FOXO1: variants seen among roughly 807,000 people sequenced by gnomAD.
The protein encoded by FOXO1 is forkhead box protein O1.
A neutral mutation model predicts 44.1 loss-of-function variants in FOXO1; 6 were observed. That is an observed-to-expected ratio of 0.14 (90% CI 0.07 to 0.27). The LOEUF (loss-of-function observed/expected upper bound fraction) is 0.27, where lower values mean the gene tolerates loss of function less well. Ranked by LOEUF, FOXO1 falls within the 10% of genes least tolerant of loss-of-function variation. The pLI is 1.00. For synonymous variants in FOXO1, 380 were observed against 362.7 expected (o/e 1.05, Z -0.54); for missense variants, 737 against 888.8 (o/e 0.83, Z 2.17).
intron 1 of FOXO1, among the ~76,000 whole-genome samples, chr13:40,605,693 G>A (rs1875970386): frequency 6.6e-6 from 1 of 152,206 alleles, no homozygotes; most frequent in African/African-American, 2.4e-5. Context: ...ACCCAATGGT[G>A]ACCTTTTCTA....
intron 1 of FOXO1, among the ~76,000 whole-genome samples, chr13:40,627,208 A>G (rs1458065218): frequency 1.3e-5 from 2 of 152,114 alleles, no homozygotes; most frequent in Non-Finnish European, 2.9e-5. Flanking sequence ...ACTGCCTCCA[A>G]CTTCCTCCCC....
chr13:40,625,954 A>G (rs7338669), intron 1 of FOXO1, among the ~76,000 whole-genome samples: 63,051 of 152,002 alleles, frequency 0.41, 14,385 homozygotes, highest in East Asian at 0.75. Flanking sequence ...GGATAAAGTC[A>G]TCTTTGTCTT....
intron 1 of FOXO1, among the ~76,000 whole-genome samples, chr13:40,624,842 G>GT (rs1204111668): frequency 1.3e-5 from 2 of 152,158 alleles, no homozygotes; most frequent in South Asian, 4.1e-4. Context: ...TATGCATATA[G>GT]TTTTTTATGT....
At chr13:40,573,417 A>G (rs1448169305) in intron 1 of FOXO1, among the ~76,000 whole-genome samples, 2 of 152,190 alleles carry the variant, frequency 1.3e-5, no homozygotes, top group African/African-American at 4.8e-5. Flanking sequence ...CCCTGGAACC[A>G]CATTTAGATG....
At chr13:40,625,106 T>C in intron 1 of FOXO1, among the ~76,000 whole-genome samples, 1 of 152,184 alleles carries the variant, frequency 6.6e-6, no homozygotes, top group East Asian at 1.9e-4. Flanking sequence ...CCCTAACACT[T>C]TAATGCAATG....
chr13:40,611,102 T>C (rs992880648), intron 1 of FOXO1: 1 of 455,166 alleles, frequency 2.2e-6, no homozygotes, highest in African/African-American at 2.0e-5. Context: ...GCATCAATAC[T>C]GCACATAGGC....
intron 1 of FOXO1, among the ~76,000 whole-genome samples, chr13:40,617,818 A>G (rs1566076971): frequency 6.6e-6 from 1 of 152,250 alleles, no homozygotes; most frequent in Non-Finnish European, 1.5e-5. Flanking sequence ...CAATGAAAGC[A>G]TTAAGTGTTC....
chr13:40,605,816 G>A (rs1048535832), intron 1 of FOXO1, among the ~76,000 whole-genome samples: 1 of 152,076 alleles, frequency 6.6e-6, no homozygotes, highest in Admixed American at 6.6e-5. Context: ...TGGAAAACTA[G>A]TGTGTGAAAG....
chr13:40,619,557 C>T (rs780331788), intron 1 of FOXO1: 39 of 1,407,040 alleles, frequency 2.8e-5, no homozygotes, highest in Admixed American at 5.1e-5. Context: ...ATTATACAAA[C>T]ATTCCACTTT....
intron 1 of FOXO1, 23 bp downstream of exon 1, chr13:40,665,560 G>T (rs746013860): frequency 7.3e-7 from 1 of 1,361,992 alleles, no homozygotes; most frequent in Non-Finnish European, 9.6e-7. Context: ...CCCAAGGTCC[G>T]GCCGCGCGCC....
chr13:40,563,509 G>C (rs560316647), intron 1 of FOXO1, among the ~76,000 whole-genome samples: 53 of 152,194 alleles, frequency 3.5e-4, no homozygotes, highest in African/African-American at 1.3e-3. Context: ...TGAGAGCGGG[G>C]AAGACACCAC....
chr13:40,560,267 C>A lies in FOXO1; in HGVS notation c.1224G>T (p.Ala408=), dbSNP rs143239174. ...GTGAATTCAAACTGGTGTTTGGTGG[C>A]GCAAACGAGTAGCACGGCGTCTGCT... The part of the protein sequence containing the change: ...MMQQTPCYSF[A]PPNTSLNSPS... The change falls in exon 2 of 3, where the codon GCG becomes GCT. Residue 408 remains alanine, a synonymous_variant. Transcript: ENST00000379561. The surrounding 1 kb of genome is among the most constrained non-coding windows in gnomAD (Gnocchi z 5.1). 12 of 1,613,968 alleles carry A rather than the reference C, an allele frequency of 7.4e-6. No homozygotes were observed. The highest frequency in any genetic ancestry group is 5.0e-5 in the Admixed American group (3 of 59,994).
At chr13:40,639,270 C>T (rs1232446008) in intron 1 of FOXO1, among the ~76,000 whole-genome samples, 7 of 152,034 alleles carry the variant, frequency 4.6e-5, no homozygotes, top group Admixed American at 4.6e-4. Flanking sequence ...GGTTCAAGAG[C>T]CAGCAGAGTG....
chr13:40,600,255 A>T (rs1875766745), intron 1 of FOXO1, among the ~76,000 whole-genome samples: 1 of 152,206 alleles, frequency 6.6e-6, no homozygotes, highest in Non-Finnish European at 1.5e-5. Flanking sequence ...AAAGATGGAG[A>T]GAAATGGACA....
intron 1 of FOXO1, among the ~76,000 whole-genome samples, chr13:40,575,899 A>G (rs1389982389): frequency 6.6e-6 from 1 of 152,210 alleles, no homozygotes; most frequent in East Asian, 1.9e-4. Flanking sequence ...ATAAAACGGG[A>G]TGGGAATTCT....
At chr13:40,624,317 TAA>T (rs10552634) in intron 1 of FOXO1, among the ~76,000 whole-genome samples, 104 of 100,970 alleles carry the variant, frequency 1.0e-3, no homozygotes, top group African/African-American at 2.4e-3. Flanking sequence ...TAATACTGCT[TAA>T]AAAAAAAAAA....
chr13:40,638,331 A>C (rs1226143981), intron 1 of FOXO1, among the ~76,000 whole-genome samples: 6 of 152,202 alleles, frequency 3.9e-5, no homozygotes, highest in Admixed American at 6.5e-5. Context: ...CTTATAGAGG[A>C]ACGTTGAAGT....
At chr13:40,573,042 A>G (rs1401379528) in intron 1 of FOXO1, among the ~76,000 whole-genome samples, 1 of 152,148 alleles carries the variant, frequency 6.6e-6, no homozygotes, top group African/African-American at 2.4e-5. Flanking sequence ...GGCCCTCCTC[A>G]ATGTGCCCAC....
At chr13:40,659,314 C>CAAAAAAA (rs1210028542) in intron 1 of FOXO1, among the ~76,000 whole-genome samples, 33 of 87,352 alleles carry the variant, frequency 3.8e-4, no homozygotes, top group South Asian at 1.1e-3. Flanking sequence ...GACTCCGTCT[C>CAAAAAAA]AAAAAAAAAA....
Sources: allele counts gnomAD v4.1 joint callset (sites outside exome capture counted in the v4.1 genomes callset), GRCh38; gene constraint gnomAD v4.1.1; non-coding constraint Gnocchi (gnomAD v3.1); transcripts MANE v1.5; gene names NCBI Gene and HGNC (gene_info 2026-07-23, HGNC 2026-07-21).